PRKG1: variants seen among roughly 807,000 people sequenced by gnomAD.
PRKG1 encodes protein kinase cGMP-dependent 1.
Under a neutral mutation model 88.1 loss-of-function variants are expected in PRKG1, and 35 were observed. The ratio of observed to expected loss-of-function variants is 0.40; its 90% CI spans 0.30 to 0.53. PRKG1 has a LOEUF of 0.53. PRKG1 is among the 20% of genes least tolerant of loss of function. The probability of loss-of-function intolerance (pLI) is 0.59; values close to 1 mark genes in which losing one functional copy is unlikely to be tolerated. For missense variants in PRKG1, 540 were observed against 839.8 expected (o/e 0.64, Z 4.41); for synonymous variants, 303 against 292.5 (o/e 1.04, Z -0.37).
intron 3 of PRKG1, among the ~76,000 whole-genome samples, chr10:51,652,718 A>G (rs1340786768): frequency 6.6e-6 from 1 of 152,206 alleles, no homozygotes; most frequent in African/African-American, 2.4e-5. Context: ...CATATCTATC[A>G]TATCTTTTTG....
At chr10:51,689,252 C>CTATCTA (rs1445936454) in intron 3 of PRKG1, among the ~76,000 whole-genome samples, 2 of 151,844 alleles carry the variant, frequency 1.3e-5, no homozygotes, top group Non-Finnish European at 2.9e-5. Context: ...ATCTATCTAT[C>CTATCTA]TATCTATCTA....
chr10:51,183,509 G>A (rs1297683225), intron 2 of PRKG1, among the ~76,000 whole-genome samples: 3 of 151,622 alleles, frequency 2.0e-5, no homozygotes, highest in Non-Finnish European at 4.4e-5. Context: ...TATTGCACGT[G>A]GTCACATTTG....
intron 1 of PRKG1, among the ~76,000 whole-genome samples, chr10:51,060,478 T>C (rs916862952): frequency 5.3e-5 from 8 of 152,132 alleles, no homozygotes; most frequent in Admixed American, 1.3e-4. Context: ...CTTCTTTAAG[T>C]GGTTACTCTA....
chr10:51,699,684 G>A (rs1042471797), intron 3 of PRKG1: 6 of 972,340 alleles, frequency 6.2e-6, no homozygotes, highest in Non-Finnish European at 7.6e-6. Context: ...GAATCGTTCC[G>A]CTTGCCTGTG....
intron 5 of PRKG1, among the ~76,000 whole-genome samples, chr10:52,053,189 A>G: frequency 6.6e-6 from 1 of 151,656 alleles, no homozygotes; most frequent in East Asian, 1.9e-4. Context: ...GACTGTATAT[A>G]TCATCTGGTG....
chr10:52,263,212 G>T (rs1841476928), intron 10 of PRKG1, among the ~76,000 whole-genome samples: 1 of 152,002 alleles, frequency 6.6e-6, no homozygotes. Flanking sequence ...AGAAATTAGA[G>T]TTTAAAAATC....
chr10:51,631,653 G>A (rs1056147468), intron 3 of PRKG1, among the ~76,000 whole-genome samples: 1 of 152,180 alleles, frequency 6.6e-6, no homozygotes, highest in African/African-American at 2.4e-5. Context: ...TTCCACCTCT[G>A]ATCATCAGGC....
chr10:51,349,012 AT>A (rs144634912), intron 2 of PRKG1, among the ~76,000 whole-genome samples: 4,409 of 152,324 alleles, frequency 0.029, 83 homozygotes, highest in South Asian at 0.049. Flanking sequence ...TAGTGAGATG[AT>A]GCTAATTAAT....
chr10:51,486,387 ATGC>A (rs1840541787), intron 3 of PRKG1, among the ~76,000 whole-genome samples: 2 of 152,160 alleles, frequency 1.3e-5, no homozygotes, highest in Admixed American at 1.3e-4. Context: ...TATGGCATAA[ATGC>A]TGGTGATGGT....
chr10:51,485,937 A>G (rs185509679), intron 3 of PRKG1, among the ~76,000 whole-genome samples: 112 of 152,264 alleles, frequency 7.4e-4, no homozygotes, highest in African/African-American at 2.5e-3. Flanking sequence ...AGCCATAGGC[A>G]ACAGTTCTCA....
At chr10:51,803,713 G>T (rs954678403) in intron 3 of PRKG1, among the ~76,000 whole-genome samples, 1 of 151,630 alleles carries the variant, frequency 6.6e-6, no homozygotes, top group African/African-American at 2.4e-5. Flanking sequence ...TATGATATTT[G>T]AATTGTTTTT....
intron 2 of PRKG1, among the ~76,000 whole-genome samples, chr10:51,438,527 T>C (rs1411913021): frequency 6.6e-6 from 1 of 151,890 alleles, no homozygotes; most frequent in African/African-American, 2.4e-5. Flanking sequence ...CAGAAGGTTC[T>C]TCAGTTAAAA....
chr10:51,149,025 C>T (rs190351082), intron 1 of PRKG1, among the ~76,000 whole-genome samples: 179 of 152,234 alleles, frequency 1.2e-3, no homozygotes, highest in Middle Eastern at 6.8e-3. Flanking sequence ...CCTTCTTTCT[C>T]ACTGTATGCT....
chr10:52,063,153 C>T (rs188329320), intron 7 of PRKG1, among the ~76,000 whole-genome samples: 12 of 152,272 alleles, frequency 7.9e-5, no homozygotes, highest in South Asian at 2.1e-4. Flanking sequence ...TTCACACTAC[C>T]GACCTGGTTC....
chr10:51,100,180 C>T (rs965637585), intron 1 of PRKG1, among the ~76,000 whole-genome samples: 8 of 152,146 alleles, frequency 5.3e-5, no homozygotes, highest in Admixed American at 2.0e-4. Context: ...AGAAATGAGC[C>T]ATCATACCTG....
intron 1 of PRKG1, among the ~76,000 whole-genome samples, chr10:51,112,145 G>C (rs1466512446): frequency 6.6e-6 from 1 of 152,100 alleles, no homozygotes; most frequent in African/African-American, 2.4e-5. Flanking sequence ...CCTTTCCTGG[G>C]TGAAGGAGTT....
intron 2 of PRKG1, among the ~76,000 whole-genome samples, chr10:51,204,565 C>T (rs901873607): frequency 1.3e-5 from 2 of 152,104 alleles, no homozygotes; most frequent in African/African-American, 4.8e-5. Context: ...CTCATAGCTA[C>T]CCTGCTGCCG....
chr10:51,351,257 C>T (rs1273579024), intron 2 of PRKG1, among the ~76,000 whole-genome samples: 1 of 152,108 alleles, frequency 6.6e-6, no homozygotes, highest in Non-Finnish European at 1.5e-5. Context: ...GATTTATAAT[C>T]CTTTGGGTAT....
intron 3 of PRKG1, among the ~76,000 whole-genome samples, chr10:51,758,368 CTTA>C (rs1389556319): frequency 2.0e-5 from 3 of 152,056 alleles, no homozygotes; most frequent in African/African-American, 7.2e-5. Flanking sequence ...ACTTATTGTT[CTTA>C]TTATAAATGA....
Sources: allele counts gnomAD v4.1 joint callset (sites outside exome capture counted in the v4.1 genomes callset), GRCh38; gene constraint gnomAD v4.1.1; transcripts MANE v1.5; gene names NCBI Gene and HGNC (gene_info 2026-07-23, HGNC 2026-07-21).